The following RIMBP2 variants were observed in gnomAD, a reference collection of about 807,000 sequenced individuals.
RIMBP2 encodes the protein RIMS-binding protein 2.
Under a neutral mutation model 118.6 loss-of-function variants are expected in RIMBP2, and 48 were observed. The observed-to-expected ratio is 0.40, with a 90% confidence interval of 0.32 to 0.51. The LOEUF is 0.51. Ranked by LOEUF, RIMBP2 falls within the 20% of genes least tolerant of loss-of-function variation. The pLI is 0.41. For missense variants in RIMBP2, 1,551 were observed against 1,768.3 expected (o/e 0.88, Z 2.20); for synonymous variants, 762 against 742.9 (o/e 1.03, Z -0.42).
At chr12:130,485,475 C>T (rs908029113) in intron 4 of RIMBP2, among the ~76,000 whole-genome samples, 5 of 152,240 alleles carry the variant, frequency 3.3e-5, no homozygotes, top group East Asian at 1.9e-4. Flanking sequence ...TGGAGCACTA[C>T]GGGGGCCAGG....
chr12:130,617,157 G>A lies in RIMBP2; in HGVS notation c.-217+11165C>T, dbSNP rs1348496153. On this transcript the variant is annotated intron_variant, in intron 2 of 22. Coordinates refer to ENST00000690449, the MANE Select transcript of RIMBP2 (RefSeq NM_001393629.1). This position sits in a 1 kb window ranked among gnomAD's most constrained non-coding sequence, Gnocchi z 4.6. The stretch of plus-strand genomic sequence containing the variant: ...CTACCAGTCTCTTCTGTGTTTCATT[G>A]TCACCAACGATCCCCCACCCCCGAC... Among the ~76,000 whole-genome samples, 1 of 152,102 alleles carries A rather than the reference G, an allele frequency of 6.6e-6. No homozygotes were observed. Among genetic ancestry groups the A allele is most frequent in the East Asian group, 1.9e-4 (1 of 5,172 alleles).
intron 1 of RIMBP2, among the ~76,000 whole-genome samples, chr12:130,686,779 A>G (rs1056343671): frequency 1.3e-5 from 2 of 152,184 alleles, no homozygotes; most frequent in African/African-American, 4.8e-5. Context: ...GGGGCACCAG[A>G]TGGCTGCAGG....
intron 2 of RIMBP2, among the ~76,000 whole-genome samples, chr12:130,538,555 G>A (rs986415178): frequency 5.3e-5 from 8 of 152,122 alleles, no homozygotes; most frequent in Non-Finnish European, 8.8e-5. Context: ...AATTCACACC[G>A]TCAAGAAAAG....
chr12:130,534,504 A>C (rs1409246711), intron 2 of RIMBP2, among the ~76,000 whole-genome samples: 1 of 152,220 alleles, frequency 6.6e-6, no homozygotes, highest in African/African-American at 2.4e-5. Context: ...TTCACTACAC[A>C]ATATATCCAT....
At chr12:130,707,169 T>C (rs1423722739) in intron 1 of RIMBP2, among the ~76,000 whole-genome samples, 2 of 151,898 alleles carry the variant, frequency 1.3e-5, no homozygotes, top group Non-Finnish European at 2.9e-5. Flanking sequence ...GGAAGAGCGG[T>C]GGGGTCACAG....
rs1449436929 is a variant in RIMBP2 at position 130,450,223 on chromosome 12, G to A, written c.558C>T (p.Val186=). 1.9e-6 allele frequency: 3 copies of A among 1,608,662 alleles called. No individual in the cohort carries two copies. The African/African-American group carries it at 4.0e-5, about 22-fold the overall frequency. ...ACCTATAGCGGGCAACACAGAGGTG[G>A]ACCTTCCCCGAGTATCTCTGCTTGG... ...NTSKQRYSGK[V]HLCVARYSYN... The change falls in exon 9 of 23, where the codon GTC becomes GTT. Residue 186 remains valine (V), a synonymous_variant. Coordinates refer to ENST00000690449, the MANE Select transcript of RIMBP2 (RefSeq NM_001393629.1). This position sits in a 1 kb window ranked among gnomAD's most constrained non-coding sequence, Gnocchi z 4.8.
chr12:130,426,772 G>A (rs1404058252), intron 15 of RIMBP2: 1 of 152,236 alleles, frequency 6.6e-6, no homozygotes, highest in Non-Finnish European at 1.5e-5. Flanking sequence ...CTTCTGAGGA[G>A]AGAAGGTGAC....
At position 130,595,889 on chromosome 12, in the gene RIMBP2, A is replaced by G. The variant is rs151238885; in HGVS notation, c.-217+32433T>C. 8.8e-3 allele frequency among the ~76,000 whole-genome samples: 1,338 copies of G among 152,352 alleles called. 16 individuals are homozygous for G. The highest frequency in any genetic ancestry group is 0.027 in the African/African-American group (1,108 of 41,580). ...AGGAGCTTAAAGGCGGAAGGACTCA[A>G]CGTACCCAGTGTGGATATTGTTGGC... On this transcript the variant is annotated intron_variant, in intron 2 of 22. Coordinates refer to ENST00000690449, the MANE Select transcript of RIMBP2 (RefSeq NM_001393629.1).
Position 130,656,198 on chromosome 12 carries a change from T to C in RIMBP2, c.-351-27742A>G, listed in dbSNP as rs75567711. Among the ~76,000 whole-genome samples the C allele has an allele frequency of 6.2e-4, 95 of 152,236 alleles. No homozygotes were observed. The East Asian group carries it at 0.018, about 28-fold the overall frequency. ...GGTTTGTCTAATGTTCTATGGAAGA[T>C]GGTTCTTAAAGGGGTTGGGGGACCC... On this transcript the variant is annotated intron_variant, in intron 1 of 22. Coordinates refer to ENST00000690449, the MANE Select transcript of RIMBP2 (RefSeq NM_001393629.1).
chr12:130,615,107 GTATA>G (rs1382192510), intron 2 of RIMBP2, among the ~76,000 whole-genome samples: 1 of 145,606 alleles, frequency 6.9e-6, no homozygotes, highest in Non-Finnish European at 1.5e-5. Flanking sequence ...TGTGTATTAT[GTATA>G]TATACATATG....
At chr12:130,657,558 C>T (rs1372129032) in intron 1 of RIMBP2, among the ~76,000 whole-genome samples, 1 of 152,152 alleles carries the variant, frequency 6.6e-6, no homozygotes, top group African/African-American at 2.4e-5. Flanking sequence ...ATCGTCGAAG[C>T]AATGCAGCGG....
chr12:130,482,076 C>T (rs74472699), intron 4 of RIMBP2, among the ~76,000 whole-genome samples: 7,429 of 152,154 alleles, frequency 0.049, 602 homozygotes, highest in African/African-American at 0.17. Context: ...GGGGATTCCC[C>T]GAGCTCCTGA....
chr12:130,488,493 G>A (rs927980513), intron 4 of RIMBP2, among the ~76,000 whole-genome samples: 3 of 152,054 alleles, frequency 2.0e-5, no homozygotes, highest in African/African-American at 7.2e-5. Context: ...AATGGACAAG[G>A]CTCACAAACA....
At chr12:130,555,534 T>C (rs1012457116) in intron 2 of RIMBP2, among the ~76,000 whole-genome samples, 4 of 152,188 alleles carry the variant, frequency 2.6e-5, no homozygotes, top group Admixed American at 1.3e-4. Context: ...GAAATATGAT[T>C]ATATTATTAC....
rs1047929549 is a variant in RIMBP2, at chr12:130,442,879, A to G, written c.692-219T>C. Reference sequence around the variant, plus strand: ...CCCGTGGCCCAGTCTTCTTTTCTCCATGATACTTATCGCAACCTGAAACCA... The same window carrying G: ...CCCGTGGCCCAGTCTTCTTTTCTCCGTGATACTTATCGCAACCTGAAACCA... On this transcript the variant is annotated intron_variant, in intron 10 of 22. Coordinates refer to ENST00000690449, the MANE Select transcript of RIMBP2 (RefSeq NM_001393629.1). This position sits in a 1 kb window ranked among gnomAD's most constrained non-coding sequence, Gnocchi z 6.9. 6.6e-6 allele frequency among the ~76,000 whole-genome samples: 1 copy of G among 151,346 alleles called. No homozygotes were observed. Among genetic ancestry groups the G allele is most frequent in the African/African-American group, 2.5e-5 (1 of 40,664 alleles).
chr12:130,443,754 G>GTGATGGTGA (rs1217310608), intron 10 of RIMBP2, among the ~76,000 whole-genome samples: 8 of 152,332 alleles, frequency 5.3e-5, no homozygotes, highest in Middle Eastern at 6.8e-3. Context: ...GGAGATGGAG[G>GTGATGGTGA]TGATGGTGAT....
intron 1 of RIMBP2, among the ~76,000 whole-genome samples, chr12:130,699,279 G>A (rs1156652493): frequency 1.3e-5 from 2 of 152,050 alleles, no homozygotes; most frequent in East Asian, 1.9e-4. Context: ...ACATGCACAC[G>A]TATGTCTATT....
At chr12:130,664,393 A>ACACACACACACGCACGCACGCACG (rs1566438809) in intron 1 of RIMBP2, among the ~76,000 whole-genome samples, 72 of 58,436 alleles carry the variant, frequency 1.2e-3, no homozygotes, top group African/African-American at 3.2e-3. Flanking sequence ...GCGCATGCAC[A>ACACACACACACGCACGCACGCACG]CACACGCACG....
rs2076349561 is a variant in RIMBP2 at position 130,420,517 on chromosome 12, T to C, written c.3238+1936A>G. ...CTTCAGAAAAATCCAACCACATTCA[T>C]CAAAAGTAGTTTCATTTGGGAAGGG... On this transcript the variant is annotated intron_variant, in intron 17 of 22. Transcript: ENST00000690449. This position sits in a 1 kb window ranked among gnomAD's most constrained non-coding sequence, Gnocchi z 4.3. 1.3e-5 allele frequency among the ~76,000 whole-genome samples: 2 copies of C among 152,132 alleles called. No homozygotes were observed. The highest frequency in any genetic ancestry group is 6.5e-5 in the Admixed American group (1 of 15,280).
Sources: allele counts gnomAD v4.1 joint callset (sites outside exome capture counted in the v4.1 genomes callset), GRCh38; gene constraint gnomAD v4.1.1; non-coding constraint Gnocchi (gnomAD v3.1); transcripts MANE v1.5; gene names NCBI Gene and HGNC (gene_info 2026-07-23, HGNC 2026-07-21).